CC2D2B: variants seen among roughly 807,000 people sequenced by gnomAD.
CC2D2B encodes protein CC2D2B.
A neutral mutation model predicts 161.2 loss-of-function variants in CC2D2B; 128 were observed. The ratio of observed to expected loss-of-function variants is 0.79; its 90% CI spans 0.69 to 0.92. The LOEUF (loss-of-function observed/expected upper bound fraction) is 0.92. Among genes scored for constraint, CC2D2B ranks in the 40% least tolerant of loss-of-function variants. CC2D2B has a pLI of 0.00. For synonymous variants in CC2D2B, 391 were observed against 449.8 expected, an observed-to-expected ratio of 0.87 and a Z score of 1.65; for missense variants, 1,173 against 1,375.1, an observed-to-expected ratio of 0.85 and a Z score of 2.32.
chr10:96,009,261 T>C (rs2078886202), intron 25 of CC2D2B, among the ~76,000 whole-genome samples: 1 of 152,158 alleles, frequency 6.6e-6, no homozygotes, highest in South Asian at 2.1e-4. Flanking sequence ...TGTATGACCA[T>C]TTACATTTTG....
At chr10:95,993,948 A>ATTTT (rs2078113186) in intron 22 of CC2D2B, among the ~76,000 whole-genome samples, 3 of 22,038 alleles carry the variant, frequency 1.4e-4, no homozygotes, top group Non-Finnish European at 2.6e-4. Context: ...GTGTGTATGT[A>ATTTT]TGTGTATATA....
At position 95,995,341 on chromosome 10, in the gene CC2D2B, A is replaced by C. The variant is rs2078189692; in HGVS notation, c.2715A>C (p.Val905=). The C allele has an allele frequency of 6.5e-7, 1 of 1,526,924 alleles. No homozygotes were observed. Among genetic ancestry groups the C allele is most frequent in the South Asian group, 1.2e-5 (1 of 83,148 alleles). The allele number at this position is 1,526,924 out of a possible 1,614,324, so 94.6% of individuals were successfully genotyped here. A position where few individuals can be genotyped will look rare whatever the true frequency, so the allele number is the denominator to read the frequency against. ...GACATAGAGAAACAATCAAATCAGTAGCCTCAGATGAGACCTTACATGAGG... is the reference window on the plus strand; with the variant it reads ...GACATAGAGAAACAATCAAATCAGTCGCCTCAGATGAGACCTTACATGAGG... The part of the protein sequence containing the change: ...CLRHRETIKS[V]ASDETLHEDT... The change falls in exon 23 of 35, where the codon GTA becomes GTC. Residue 905 remains valine, a synonymous_variant. Transcript: ENST00000646931.
chr10:95,927,239 G>A lies in CC2D2B; in HGVS notation c.243G>A (p.Leu81=), dbSNP rs1008483625. The change falls in exon 6 of 35, where the codon TTG becomes TTA. Residue 81 remains leucine, a splice_region_variant and synonymous_variant. Transcript: ENST00000646931. ...IDSEIHQRSK[L]SPQTEVSLDE... is the part of the protein sequence containing the mutation. Reference sequence around the variant, plus strand: ...CACTAAATACTGGTTTATCATAGTTGTCTCCACAGACTGAAGTCTCATTGG... The same window carrying A: ...CACTAAATACTGGTTTATCATAGTTATCTCCACAGACTGAAGTCTCATTGG... 1.3e-6 allele frequency: 2 copies of A among 1,527,424 alleles called. No homozygotes were observed. Among genetic ancestry groups the A allele is most frequent in the Non-Finnish European group, 1.8e-6 (2 of 1,125,688 alleles). The allele number at this position is 1,527,424 out of a possible 1,614,324, so 94.6% of individuals were successfully genotyped here. A position where few individuals can be genotyped will look rare whatever the true frequency, so the allele number is the denominator to read the frequency against.
At chr10:95,976,308 C>G (rs368348335) in intron 17 of CC2D2B, among the ~76,000 whole-genome samples, 2 of 152,172 alleles carry the variant, frequency 1.3e-5, no homozygotes, top group East Asian at 3.8e-4. Context: ...CTGAAGGTTA[C>G]CAGCAAGTGA....
At chr10:96,018,457 C>A (rs1345402829) in intron 30 of CC2D2B, among the ~76,000 whole-genome samples, 1 of 152,122 alleles carries the variant, frequency 6.6e-6, no homozygotes, top group Non-Finnish European at 1.5e-5. Flanking sequence ...CTGGTGTTCA[C>A]CCTCAGTCTC....
At chr10:96,022,714 A>T (rs2079522716) in intron 32 of CC2D2B, 1 of 152,280 alleles carries the variant, frequency 6.6e-6, no homozygotes, top group African/African-American at 2.4e-5. Flanking sequence ...AGATGTAGAT[A>T]CTACAAGAAA....
intron 1 of CC2D2B, among the ~76,000 whole-genome samples, chr10:95,909,565 G>A (rs899955200): frequency 6.6e-6 from 1 of 152,176 alleles, no homozygotes. Flanking sequence ...GCTAAGGAAG[G>A]AAAGTGCATT....
In CC2D2B at chr10:95,947,111, ATATTTTTTTTTTT is replaced by A. The variant is rs2076238917; in HGVS notation, c.802-2783_802-2771del. ...TATATATATATATATATATATATATATATTTTTTTTTTTTTTTTTGAGACAAAGTATTGCTCTG... is the reference window on the plus strand; with the variant it reads ...TATATATATATATATATATATATATATTTTTTGAGACAAAGTATTGCTCTG... On this transcript the variant is annotated intron_variant, in intron 9 of 34. Coordinates refer to ENST00000646931, the MANE Select transcript of CC2D2B (RefSeq NM_001349008.3). 1.2e-3 allele frequency among the ~76,000 whole-genome samples: 47 copies of A among 40,730 alleles called. 5 individuals are homozygous for A. The highest frequency in any genetic ancestry group is 6.6e-3 in the African/African-American group (46 of 6,994). The allele number at this position is 40,730 out of a possible 152,430, so 26.7% of individuals were successfully genotyped here. A position where few individuals can be genotyped will look rare whatever the true frequency, so the allele number is the denominator to read the frequency against.
Position 96,008,016 on chromosome 10 carries a change from A to G in CC2D2B, c.2947-1809A>G, listed in dbSNP as rs77314292. ...ATATACCAATGAAACTGGCATCACA[A>G]TTAAGATAATAAACATATCCATTAC... On this transcript the variant is annotated intron_variant, in intron 25 of 34. Coordinates refer to ENST00000646931, the MANE Select transcript of CC2D2B (RefSeq NM_001349008.3). 6.1e-3 allele frequency among the ~76,000 whole-genome samples: 923 copies of G among 152,226 alleles called. 4 individuals are homozygous for G. Among genetic ancestry groups the G allele is most frequent in the Middle Eastern group, 0.01 (3 of 294 alleles).
intron 18 of CC2D2B, 149 bp from the exon 19 acceptor site, chr10:95,983,457 G>GT (rs1417132674): frequency 4.9e-6 from 2 of 407,628 alleles, no homozygotes; most frequent in Non-Finnish European, 8.5e-6. Flanking sequence ...ATTTTGTTTT[G>GT]TTTTTTGTAT....
At chr10:95,932,189 C>T (rs1429101369) in intron 6 of CC2D2B, among the ~76,000 whole-genome samples, 1 of 152,136 alleles carries the variant, frequency 6.6e-6, no homozygotes, top group African/African-American at 2.4e-5. Flanking sequence ...TTATCAGAGA[C>T]TAGGATGGCA....
chr10:95,930,191 CTGTT>C (rs2098547420), intron 6 of CC2D2B, among the ~76,000 whole-genome samples: 1 of 152,100 alleles, frequency 6.6e-6, no homozygotes, highest in South Asian at 2.1e-4. Flanking sequence ...ATTTGGCTCT[CTGTT>C]TGTCTGTTAT....
Position 95,991,457 on chromosome 10 carries a change from A to G in CC2D2B, c.2467A>G (p.Thr823Ala). ...IVNDYEEIVS[T>A]SQLTDAVCKF... is the part of the protein sequence containing the mutation. ...GAATGATTATGAAGAAATTGTATCTACAAGGTAATTGCTAAAAACTATTAA... is the reference window on the plus strand; with the variant it reads ...GAATGATTATGAAGAAATTGTATCTGCAAGGTAATTGCTAAAAACTATTAA... Residue 823 changes from threonine to alanine, a missense_variant, in exon 21 of 35, where the codon ACA becomes GCA. Thr to Ala is a moderately conservative substitution (Grantham distance 58, BLOSUM62 0). Around this residue, in one of 3 missense-constraint regions of CC2D2B, gnomAD observed 598 missense variants for 693.2 expected, o/e 0.86. Transcript: ENST00000646931. The G allele has an allele frequency of 1.0e-6, 1 of 998,480 alleles. No homozygotes were observed. The allele number at this position is 998,480 out of a possible 1,614,324, so 61.9% of individuals were successfully genotyped here. A position where few individuals can be genotyped will look rare whatever the true frequency, so the allele number is the denominator to read the frequency against.
At position 96,004,222 on chromosome 10, in the gene CC2D2B, G is replaced by A. The variant is rs1564660831; in HGVS notation, c.2920G>A (p.Asp974Asn). The change falls in exon 25 of 35, where the codon GAT (aspartate) becomes AAT (asparagine). Residue 974 changes from aspartate to asparagine, a missense_variant. Asp to Asn is a conservative substitution (Grantham distance 23). Transcript: ENST00000646931. ...IKDNIYINIF[D>N]EMMTEKHEDH... ...AGATAACATATATATCAACATTTTT[G>A]ATGAAATGATGACTGAAAAACATGA... 1 of 1,500,664 alleles carries A rather than the reference G, an allele frequency of 6.7e-7. No individual in the cohort carries two copies. The highest frequency in any genetic ancestry group is 1.4e-5 in the African/African-American group (1 of 70,122). The allele number at this position is 1,500,664 out of a possible 1,614,324, so 93.0% of individuals were successfully genotyped here.
At chr10:95,924,887 T>C (rs2098535532) in intron 5 of CC2D2B, 43 bp downstream of exon 5, 4 of 1,256,414 alleles carry the variant, frequency 3.2e-6, no homozygotes, top group Non-Finnish European at 4.5e-6. Context: ...AACAGCTTTA[T>C]GGAAGTATAG....
chr10:96,012,463 A>G lies in CC2D2B; in HGVS notation c.3229-69A>G, dbSNP rs2141862025. 5 of 1,147,530 alleles carry G rather than the reference A, an allele frequency of 4.4e-6. No homozygotes were observed. The East Asian group carries it at 1.2e-4, about 27-fold the overall frequency. 71.1% of individuals were successfully genotyped at this position (1,147,530 alleles called of 1,614,324 possible). On this transcript the variant is annotated intron_variant, in intron 27 of 34. Coordinates refer to ENST00000646931, the MANE Select transcript of CC2D2B (RefSeq NM_001349008.3). The stretch of plus-strand genomic sequence containing the variant: ...AATTTCAAAGATGGCAAAAATAAAC[A>G]TTGGTTCTTGATATTTTCTTGTGAG...
intron 34 of CC2D2B, among the ~76,000 whole-genome samples, chr10:96,029,984 A>C (rs1002509037): frequency 6.6e-6 from 1 of 151,624 alleles, no homozygotes; most frequent in Admixed American, 6.6e-5. Context: ...CTAATTTTTA[A>C]AATATTTTTG....
chr10:95,921,209 C>T (rs891851059), intron 2 of CC2D2B: 11 of 152,300 alleles, frequency 7.2e-5, no homozygotes, highest in African/African-American at 2.7e-4. Context: ...ATGGACAGTT[C>T]CCGTCTGGCT....
At chr10:95,908,716 C>T (rs924398228) in intron 1 of CC2D2B, among the ~76,000 whole-genome samples, 3 of 149,198 alleles carry the variant, frequency 2.0e-5, no homozygotes, top group Non-Finnish European at 4.5e-5. Context: ...TTGACTTTCT[C>T]TCTAATTGAG....
Sources: allele counts gnomAD v4.1 joint callset (sites outside exome capture counted in the v4.1 genomes callset), GRCh38; gene constraint gnomAD v4.1.1; regional missense constraint gnomAD v4.1.1; transcripts MANE v1.5; gene names NCBI Gene and HGNC (gene_info 2026-07-23, HGNC 2026-07-21).